CDYL2: variants seen among roughly 807,000 people sequenced by gnomAD.
CDYL2 encodes the protein chromodomain Y-like protein 2.
A neutral mutation model predicts 49.4 loss-of-function variants in CDYL2; 23 were observed. That is an observed-to-expected ratio of 0.47 (90% confidence interval 0.34 to 0.66). The LOEUF (loss-of-function observed/expected upper bound fraction) is 0.66, where lower values mean the gene tolerates loss of function less well. Among genes scored for constraint, CDYL2 ranks in the 30% least tolerant of loss-of-function variants. The pLI is 0.01. For missense variants in CDYL2, 678 were observed against 656.4 expected (o/e 1.03, Z -0.36); for synonymous variants, 360 against 268.8 (o/e 1.34, Z -3.32).
At chr16:80,652,770 C>T (rs980780385) in intron 2 of CDYL2, among the ~76,000 whole-genome samples, 2 of 152,116 alleles carry the variant, frequency 1.3e-5, no homozygotes, top group Non-Finnish European at 2.9e-5. Flanking sequence ...GTCCCTCCTC[C>T]CAAAAACTCA....
At chr16:80,784,009 T>A (rs1052534256) in intron 1 of CDYL2, among the ~76,000 whole-genome samples, 8 of 152,212 alleles carry the variant, frequency 5.3e-5, no homozygotes, top group African/African-American at 1.9e-4. Flanking sequence ...GCCATTGAAA[T>A]GTACATTTGA....
chr16:80,606,572 C>A (rs573949463), intron 6 of CDYL2, among the ~76,000 whole-genome samples: 10 of 152,290 alleles, frequency 6.6e-5, no homozygotes, highest in Non-Finnish European at 1.3e-4. Flanking sequence ...TTGCCACTTC[C>A]TCTGCTTAGA....
intron 1 of CDYL2, among the ~76,000 whole-genome samples, chr16:80,717,457 A>G (rs1466999748): frequency 6.6e-6 from 1 of 152,202 alleles, no homozygotes; most frequent in African/African-American, 2.4e-5. Flanking sequence ...CACTGCCACC[A>G]GGGAAGGTGG....
intron 2 of CDYL2, among the ~76,000 whole-genome samples, chr16:80,659,988 G>C (rs890196482): frequency 2.0e-5 from 3 of 151,688 alleles, no homozygotes; most frequent in Non-Finnish European, 2.9e-5. Flanking sequence ...TTGTCAAAAA[G>C]GAATGGCAGA....
At chr16:80,653,609 G>A (rs571007270) in intron 2 of CDYL2, among the ~76,000 whole-genome samples, 6 of 152,254 alleles carry the variant, frequency 3.9e-5, no homozygotes, top group African/African-American at 1.4e-4. Flanking sequence ...TACATGAGAC[G>A]TCCTGATACA....
chr16:80,609,631 A>C (rs997658271), intron 5 of CDYL2, among the ~76,000 whole-genome samples: 5 of 152,200 alleles, frequency 3.3e-5, no homozygotes, highest in Admixed American at 6.5e-5. Context: ...ATCTGCTCCA[A>C]TGAACCTGGA....
rs528396270 is a variant in CDYL2, at chr16:80,634,542, T to C, written c.617-1306A>G. 2.6e-5 allele frequency among the ~76,000 whole-genome samples: 4 copies of C among 152,200 alleles called. No homozygotes were observed. The South Asian group carries it at 6.2e-4, about 24-fold the overall frequency. On this transcript the variant is annotated intron_variant, in intron 2 of 6. Coordinates refer to ENST00000570137, the MANE Select transcript of CDYL2 (RefSeq NM_152342.4). Reference sequence around the variant, plus strand: ...AGATAGTATTAGGAGAAATATGTAATGTAAATGAAGAGTTAATGGGTACAG... The same window carrying C: ...AGATAGTATTAGGAGAAATATGTAACGTAAATGAAGAGTTAATGGGTACAG...
chr16:80,606,327 ACCT>A (rs1906331833), intron 6 of CDYL2, among the ~76,000 whole-genome samples: 1 of 151,950 alleles, frequency 6.6e-6, no homozygotes, highest in African/African-American at 2.4e-5. Context: ...GGCAGCAGAG[ACCT>A]CCTTGCAGTA....
intron 2 of CDYL2, among the ~76,000 whole-genome samples, chr16:80,645,688 A>C (rs1908308980): frequency 6.6e-6 from 1 of 152,142 alleles, no homozygotes; most frequent in South Asian, 2.1e-4. Flanking sequence ...ATGCACACGT[A>C]TGTTTACTGT....
chr16:80,624,256 C>A (rs543230542), intron 3 of CDYL2, among the ~76,000 whole-genome samples: 13 of 152,288 alleles, frequency 8.5e-5, no homozygotes, highest in African/African-American at 2.9e-4. Flanking sequence ...CCCTTCTAGT[C>A]CTTCTGCTAC....
intron 1 of CDYL2, among the ~76,000 whole-genome samples, chr16:80,700,150 C>T (rs1162370019): frequency 2.0e-5 from 3 of 152,178 alleles, no homozygotes; most frequent in East Asian, 1.9e-4. Flanking sequence ...TGAGCCACTG[C>T]GGCCAGCCAA....
intron 2 of CDYL2, among the ~76,000 whole-genome samples, chr16:80,637,348 A>G (rs370152332): frequency 6.6e-6 from 1 of 152,302 alleles, no homozygotes; most frequent in South Asian, 2.1e-4. Flanking sequence ...GATCTGAAAT[A>G]AGAAAAAGAT....
intron 3 of CDYL2, among the ~76,000 whole-genome samples, chr16:80,626,819 T>G (rs1907325791): frequency 6.6e-6 from 1 of 152,214 alleles, no homozygotes; most frequent in African/African-American, 2.4e-5. Flanking sequence ...CTTCCATTTC[T>G]TAAGCACCTA....
chr16:80,636,668 T>C (rs8059592), intron 2 of CDYL2, among the ~76,000 whole-genome samples: 32,986 of 152,060 alleles, frequency 0.22, 4,980 homozygotes, highest in African/African-American at 0.4. Context: ...GATCTAGAAC[T>C]AGAAATACCA....
At chr16:80,637,877 A>G (rs1186968390) in intron 2 of CDYL2, among the ~76,000 whole-genome samples, 2 of 152,234 alleles carry the variant, frequency 1.3e-5, no homozygotes, top group Admixed American at 6.5e-5. Context: ...ACGTATTCCA[A>G]AAATATGTAC....
intron 1 of CDYL2, among the ~76,000 whole-genome samples, chr16:80,757,691 T>A (rs993343434): frequency 6.6e-6 from 1 of 151,904 alleles, no homozygotes; most frequent in African/African-American, 2.4e-5. Context: ...AAAGGTATAT[T>A]CATAATAACA....
At chr16:80,609,433 T>C (rs1473154490) in intron 5 of CDYL2, among the ~76,000 whole-genome samples, 1 of 152,332 alleles carries the variant, frequency 6.6e-6, no homozygotes, top group Admixed American at 6.5e-5. Context: ...CACTGATGGT[T>C]CGTGATGACC....
chr16:80,803,320 G>A (rs1252685196), intron 1 of CDYL2, among the ~76,000 whole-genome samples: 3 of 152,206 alleles, frequency 2.0e-5, no homozygotes, highest in Non-Finnish European at 2.9e-5. Context: ...AGGACCTGGA[G>A]CCAGGTATCC....
intron 1 of CDYL2, among the ~76,000 whole-genome samples, chr16:80,763,158 T>G (rs1342442087): frequency 7.2e-6 from 1 of 138,838 alleles, no homozygotes; most frequent in East Asian, 2.2e-4. Context: ...TAACTAATCC[T>G]GTATTCCCAC....
Sources: gnomAD v4.1 joint callset for allele counts (sites outside exome capture counted in the v4.1 genomes callset) on GRCh38, gnomAD v4.1.1 for gene constraint, MANE v1.5 for transcripts, NCBI Gene and HGNC (gene_info 2026-07-23, HGNC 2026-07-21) for gene names.